Variants in B3GALT1 observed in about 807,000 individuals in gnomAD.
B3GALT1 encodes the protein beta-1,3-galactosyltransferase 1, also known as UDP-Gal:betaGlcNAc beta 1,3-galactosyltransferase, polypeptide 1.
B3GALT1 carries 10 observed loss-of-function variants against 23.2 expected under a neutral mutation model. The ratio of observed to expected loss-of-function variants is 0.43; its 90% CI spans 0.27 to 0.73. B3GALT1 has a LOEUF of 0.73. Ranked by LOEUF, B3GALT1 falls within the 30% of genes least tolerant of loss-of-function variation. B3GALT1 has a pLI of 0.21. For synonymous variants in B3GALT1, 156 were observed against 141.5 expected, an observed-to-expected ratio of 1.10 and a Z score of -0.73; for missense variants, 299 against 405.4, an observed-to-expected ratio of 0.74 and a Z score of 2.25.
At chr2:167,852,215 G>A (rs995620802) in intron 4 of B3GALT1, among the ~76,000 whole-genome samples, 7 of 152,082 alleles carry the variant, frequency 4.6e-5, no homozygotes, top group Admixed American at 2.0e-4. Flanking sequence ...ATGGTCACCC[G>A]AGGTGAAAAG....
intron 2 of B3GALT1, among the ~76,000 whole-genome samples, chr2:167,555,435 A>T (rs1683827206): frequency 6.6e-6 from 1 of 152,184 alleles, no homozygotes; most frequent in Admixed American, 6.5e-5. Context: ...GGATAAAGTA[A>T]AATTCAATCT....
At chr2:167,555,020 G>A (rs902500774) in intron 2 of B3GALT1, among the ~76,000 whole-genome samples, 1 of 152,176 alleles carries the variant, frequency 6.6e-6, no homozygotes, top group African/African-American at 2.4e-5. Flanking sequence ...ACACAGAAAT[G>A]ACGTATGTGC....
intron 2 of B3GALT1, among the ~76,000 whole-genome samples, chr2:167,584,024 T>C (rs1218693222): frequency 1.5e-5 from 1 of 65,138 alleles, no homozygotes; most frequent in African/African-American, 6.0e-5. Flanking sequence ...AGACTGGAGA[T>C]TGGGGGTGGG....
At chr2:167,668,386 G>A (rs1329694857) in intron 3 of B3GALT1, among the ~76,000 whole-genome samples, 1 of 152,176 alleles carries the variant, frequency 6.6e-6, no homozygotes, top group African/African-American at 2.4e-5. Flanking sequence ...AGTCTGCAGA[G>A]GTTACTGCTA....
At chr2:167,593,368 A>G (rs73013383) in intron 2 of B3GALT1, among the ~76,000 whole-genome samples, 27,271 of 152,182 alleles carry the variant, frequency 0.18, 2,517 homozygotes, top group Non-Finnish European at 0.19. Context: ...ATAAAATACT[A>G]TTATATATTA....
At chr2:167,676,634 T>C in intron 3 of B3GALT1, among the ~76,000 whole-genome samples, 1 of 152,020 alleles carries the variant, frequency 6.6e-6, no homozygotes, top group East Asian at 1.9e-4. Context: ...CAATCTCAGC[T>C]CACTGCAACC....
At chr2:167,513,068 C>CAAAAAAAAAAAAAAAAAAAAAAAAAAAAA (rs544667836) in intron 2 of B3GALT1, among the ~76,000 whole-genome samples, 1 of 72,540 alleles carries the variant, frequency 1.4e-5, no homozygotes, top group Admixed American at 1.5e-4. Flanking sequence ...ATTCATGCCA[C>CAAAAAAAAAAAAAAAAAAAAAAAAAAAAA]AAAAAAAAAA....
intron 1 of B3GALT1, among the ~76,000 whole-genome samples, chr2:167,427,291 G>A (rs1199492768): frequency 6.6e-6 from 1 of 152,144 alleles, no homozygotes; most frequent in African/African-American, 2.4e-5. Context: ...GAGAGCATCT[G>A]CTTGTTGGTG....
At chr2:167,527,112 G>A (rs926521790) in intron 2 of B3GALT1, among the ~76,000 whole-genome samples, 2 of 151,968 alleles carry the variant, frequency 1.3e-5, no homozygotes, top group Non-Finnish European at 2.9e-5. Context: ...ATGATATGAT[G>A]TTTATAGTCC....
intron 3 of B3GALT1, among the ~76,000 whole-genome samples, chr2:167,668,820 G>A (rs142678803): frequency 0.019 from 2,845 of 152,230 alleles, 83 homozygotes; most frequent in African/African-American, 0.063. Context: ...CGCACGGTGC[G>A]TGCACCCACT....
chr2:167,513,621 A>G (rs1700060548), intron 2 of B3GALT1, among the ~76,000 whole-genome samples: 1 of 152,184 alleles, frequency 6.6e-6, no homozygotes, highest in Non-Finnish European at 1.5e-5. Context: ...GAAAATAAGT[A>G]AATAAAGTAA....
intron 3 of B3GALT1, among the ~76,000 whole-genome samples, chr2:167,651,973 C>T (rs1022203120): frequency 4.0e-5 from 6 of 151,792 alleles, no homozygotes; most frequent in Admixed American, 6.6e-5. Flanking sequence ...CCAGCACACC[C>T]CACACCATTG....
At chr2:167,298,778 G>A (rs1210983358) in intron 1 of B3GALT1, among the ~76,000 whole-genome samples, 2 of 151,934 alleles carry the variant, frequency 1.3e-5, no homozygotes, top group Admixed American at 6.6e-5. Context: ...CCAAAACTGT[G>A]TGCAGTTTTT....
chr2:167,587,175 C>G (rs1174575818), intron 2 of B3GALT1, among the ~76,000 whole-genome samples: 1 of 152,032 alleles, frequency 6.6e-6, no homozygotes, highest in Non-Finnish European at 1.5e-5. Flanking sequence ...CTGTGCTGGA[C>G]CAGTTATATT....
intron 2 of B3GALT1, among the ~76,000 whole-genome samples, chr2:167,624,734 G>C (rs1345644965): frequency 3.9e-5 from 6 of 152,014 alleles, no homozygotes; most frequent in African/African-American, 1.2e-4. Flanking sequence ...GAGGGATTTG[G>C]AGGCATTATT....
intron 3 of B3GALT1, among the ~76,000 whole-genome samples, chr2:167,727,898 G>A (rs1412371769): frequency 2.8e-5 from 4 of 143,316 alleles, no homozygotes; most frequent in African/African-American, 5.4e-5. Flanking sequence ...TGTCTTGAAA[G>A]TCAGCTAGAA....
intron 3 of B3GALT1, among the ~76,000 whole-genome samples, chr2:167,700,962 C>T (rs539101841): frequency 1.6e-4 from 25 of 152,336 alleles, no homozygotes; most frequent in East Asian, 9.6e-4. Flanking sequence ...AAGATCCTAA[C>T]ACCTGCCCTC....
intron 3 of B3GALT1, among the ~76,000 whole-genome samples, chr2:167,785,719 T>A (rs764502314): frequency 5.9e-5 from 9 of 152,214 alleles, no homozygotes; most frequent in Non-Finnish European, 1.0e-4. Context: ...AGTGCTTGGA[T>A]CTAGAATTAT....
intron 1 of B3GALT1, among the ~76,000 whole-genome samples, chr2:167,334,999 A>G (rs1697036590): frequency 6.6e-6 from 1 of 152,142 alleles, no homozygotes; most frequent in African/African-American, 2.4e-5. Flanking sequence ...CTGTACTACT[A>G]TTACTTACTC....
Sources: allele counts gnomAD v4.1 joint callset (sites outside exome capture counted in the v4.1 genomes callset), GRCh38; gene constraint gnomAD v4.1.1; transcripts MANE v1.5; gene names NCBI Gene and HGNC (gene_info 2026-07-23, HGNC 2026-07-21).